The following TOLLIP variants were observed in gnomAD, a reference collection of about 807,000 sequenced individuals.
TOLLIP encodes the protein toll-interacting protein.
Under a neutral mutation model 33.5 loss-of-function variants are expected in TOLLIP, and 16 were observed. The observed-to-expected ratio is 0.48, with a 90% CI of 0.32 to 0.72. The LOEUF is 0.72. Among genes scored for constraint, TOLLIP ranks in the 30% least tolerant of loss-of-function variants. The pLI is 0.03. For missense variants in TOLLIP, 325 were observed against 396.6 expected (o/e 0.82, Z 1.53); for synonymous variants, 176 against 163.7 (o/e 1.07, Z -0.57).
Position 1,291,755 on chromosome 11 carries a change from T to C in TOLLIP, c.184-1346A>G, listed in dbSNP as rs56397575. ...CGCCCCGTCCTCACCGACCCACCTCTGAGGGCACGGCCGCCCCGTCCTCAC... is the reference window on the plus strand; with the variant it reads ...CGCCCCGTCCTCACCGACCCACCTCCGAGGGCACGGCCGCCCCGTCCTCAC... On this transcript the variant is annotated intron_variant, in intron 2 of 5. Transcript: ENST00000317204. The C allele has an allele frequency of 3.4e-3, 517 of 152,006 alleles. 5 individuals carry two copies. The highest frequency in any genetic ancestry group is 0.018 in the South Asian group (123 of 6,938). 9.4% of individuals were successfully genotyped at this position (152,006 alleles called of 1,614,324 possible).
intron 1 of TOLLIP, among the ~76,000 whole-genome samples, chr11:1,309,239 G>C (rs1864518363): frequency 1.3e-5 from 2 of 152,164 alleles, no homozygotes; most frequent in Admixed American, 6.5e-5. Context: ...CTCTGCCCCG[G>C]CACGGCGGTG....
At chr11:1,291,028 G>A (rs1863918328) in intron 2 of TOLLIP, 1 of 152,654 alleles carries the variant, frequency 6.6e-6, no homozygotes, top group African/African-American at 2.4e-5. Flanking sequence ...CATGAGATTC[G>A]ACTTCAGGCC....
Position 1,295,804 on chromosome 11 carries a change from C to T in TOLLIP, c.34-10G>A. ...GCTCACCGATGTACACCTGCGGGGC[C>T]GGGGACCAGAGAGGCCAGTGAGTCA... On this transcript the variant is annotated splice_polypyrimidine_tract_variant and intron_variant, in intron 1 of 5. Transcript: ENST00000317204. 1.9e-6 allele frequency: 3 copies of T among 1,546,456 alleles called. No homozygotes were observed. The highest frequency in any genetic ancestry group is 2.6e-6 in the Non-Finnish European group (3 of 1,142,632).
intron 5 of TOLLIP, among the ~76,000 whole-genome samples, chr11:1,280,674 C>T (rs138674686): frequency 5.9e-5 from 9 of 152,126 alleles, no homozygotes; most frequent in Non-Finnish European, 1.3e-4. Flanking sequence ...GGGGAGGCGC[C>T]GGACGCCCCA....
chr11:1,304,138 G>A (rs956224858), intron 1 of TOLLIP, among the ~76,000 whole-genome samples: 1 of 152,038 alleles, frequency 6.6e-6, no homozygotes, highest in Admixed American at 6.5e-5. Context: ...AGGAAAGCCG[G>A]AGGAAGGGAC....
At chr11:1,281,772 G>A (rs1337827471) in intron 5 of TOLLIP, among the ~76,000 whole-genome samples, 1 of 152,254 alleles carries the variant, frequency 6.6e-6, no homozygotes, top group Non-Finnish European at 1.5e-5. Context: ...TCTCCACCAT[G>A]TGAGTCATAA....
chr11:1,298,229 C>T (rs1222724148), intron 1 of TOLLIP: 4 of 152,300 alleles, frequency 2.6e-5, no homozygotes, highest in Admixed American at 6.5e-5. Flanking sequence ...GGAAAAGCAC[C>T]GTATCTCCTG....
rs1186589337 is a variant in TOLLIP, at chr11:1,287,381, AGCTCCCTGCTGCT to A, written c.519+1230_519+1242del. 4.7e-5 allele frequency among the ~76,000 whole-genome samples: 7 copies of A among 148,660 alleles called. 2 individuals carry two copies. The highest frequency in any genetic ancestry group is 9.9e-5 in the African/African-American group (4 of 40,534). On this transcript the variant is annotated intron_variant, in intron 4 of 5. Transcript: ENST00000317204. ...AGGAGCCAAGATGGCCCAGAAAAGC[AGCTCCCTGCTGCT>A]GCCTCCCCGCCGCAGCCTCCCCGCC...
intron 5 of TOLLIP, among the ~76,000 whole-genome samples, chr11:1,284,935 G>C (rs1407161472): frequency 6.6e-6 from 1 of 152,184 alleles, no homozygotes; most frequent in Non-Finnish European, 1.5e-5. Context: ...TCTAGGGCGA[G>C]GTCCCGACTC....
At chr11:1,298,840 C>T (rs984560560) in intron 1 of TOLLIP, among the ~76,000 whole-genome samples, 1 of 152,230 alleles carries the variant, frequency 6.6e-6, no homozygotes, top group African/African-American at 2.4e-5. Flanking sequence ...CAAAAACCCA[C>T]ACCCCAATTA....
rs771092450 is a variant in TOLLIP at position 1,295,765 on chromosome 11, G to A, written c.63C>T (p.Phe21=). 3.1e-6 allele frequency: 5 copies of A among 1,593,664 alleles called. No homozygotes were observed. The highest frequency in any genetic ancestry group is 4.3e-6 in the Non-Finnish European group (5 of 1,170,484). ...PVYIGELPQD[F]LRITPTQQQR... ...GCTGCTGTGTGGGCGTGATGCGGAGGAAGTCCTGCGGGAGCTCACCGATGT... is the reference window on the plus strand; with the variant it reads ...GCTGCTGTGTGGGCGTGATGCGGAGAAAGTCCTGCGGGAGCTCACCGATGT... Residue 21 remains phenylalanine, a synonymous_variant, in exon 2 of 6, where the codon TTC becomes TTT. Transcript: ENST00000317204.
intron 1 of TOLLIP, among the ~76,000 whole-genome samples, chr11:1,300,958 C>A (rs1478519519): frequency 6.6e-6 from 1 of 152,252 alleles, no homozygotes; most frequent in Non-Finnish European, 1.5e-5. Flanking sequence ...CTGTGTGCCA[C>A]GCATGCACCT....
intron 5 of TOLLIP, among the ~76,000 whole-genome samples, chr11:1,279,191 G>A (rs1040733627): frequency 6.6e-6 from 1 of 152,236 alleles, no homozygotes; most frequent in African/African-American, 2.4e-5. Flanking sequence ...AGGGGATGTG[G>A]CGCCGACTGG....
chr11:1,294,340 C>T (rs75980902), intron 2 of TOLLIP, among the ~76,000 whole-genome samples: 5 of 56,776 alleles, frequency 8.8e-5, no homozygotes, highest in Non-Finnish European at 1.5e-4. Context: ...TACGAAAGCC[C>T]GCGTGGCTCA....
intron 1 of TOLLIP, among the ~76,000 whole-genome samples, chr11:1,304,564 G>T (rs917028048): frequency 6.6e-6 from 1 of 152,234 alleles, no homozygotes; most frequent in Non-Finnish European, 1.5e-5. Flanking sequence ...CGAGGTCTCC[G>T]CGTGGATCCG....
intron 4 of TOLLIP, among the ~76,000 whole-genome samples, chr11:1,286,915 C>A (rs752357982): frequency 1.2e-4 from 18 of 151,502 alleles, no homozygotes; most frequent in African/African-American, 4.1e-4. Flanking sequence ...CTGTCCACTG[C>A]GGATAAGTCA....
chr11:1,284,038 C>T (rs955767105), intron 5 of TOLLIP, among the ~76,000 whole-genome samples: 5 of 152,252 alleles, frequency 3.3e-5, no homozygotes, highest in Non-Finnish European at 7.3e-5. Flanking sequence ...ACGACGGCGG[C>T]TCTGGGCTGT....
chr11:1,296,735 G>C (rs1225810697), intron 1 of TOLLIP, among the ~76,000 whole-genome samples: 1 of 118,404 alleles, frequency 8.4e-6, no homozygotes, highest in Non-Finnish European at 1.8e-5. Flanking sequence ...CTGGAGGAGT[G>C]GGGTGGAGGC....
Position 1,280,987 on chromosome 11 carries a change from T to C in TOLLIP, c.611-3734A>G, listed in dbSNP as rs11041743. On this transcript the variant is annotated intron_variant, in intron 5 of 5. Coordinates refer to ENST00000317204, the MANE Select transcript of TOLLIP (RefSeq NM_019009.4). ...GAGCAGTTGGCTGCTGTTGCCAGCC[T>C]GGCGGAGAGTCTCTGTCCACTCTGC... is the stretch of plus-strand genomic sequence containing the variant. 1.5e-4 allele frequency among the ~76,000 whole-genome samples: 23 copies of C among 152,334 alleles called. No homozygotes were observed. The East Asian group carries it at 4.1e-3, about 27-fold the overall frequency.
Sources: allele counts gnomAD v4.1 joint callset (sites outside exome capture counted in the v4.1 genomes callset), GRCh38; gene constraint gnomAD v4.1.1; transcripts MANE v1.5; gene names NCBI Gene and HGNC (gene_info 2026-07-23, HGNC 2026-07-21).